Variants in TRPS1 observed in about 807,000 individuals in gnomAD.
The protein encoded by TRPS1 is transcriptional repressor GATA binding 1.
TRPS1 carries 6 observed loss-of-function variants against 101.2 expected under a neutral mutation model. The ratio of observed to expected loss-of-function variants is 0.06; its 90% CI spans 0.03 to 0.12. The LOEUF (loss-of-function observed/expected upper bound fraction) is 0.12, where lower values mean the gene tolerates loss of function less well. Ranked by LOEUF, TRPS1 falls within the 10% of genes least tolerant of loss-of-function variation. The pLI is 1.00. For synonymous variants in TRPS1, 578 were observed against 589.8 expected, an observed-to-expected ratio of 0.98 and a Z score of 0.29; for missense variants, 1,363 against 1,567.0, an observed-to-expected ratio of 0.87 and a Z score of 2.20.
At chr8:115,536,196 A>G (rs908764954) in intron 5 of TRPS1, among the ~76,000 whole-genome samples, 1 of 152,072 alleles carries the variant, frequency 6.6e-6, no homozygotes, top group African/African-American at 2.4e-5. Context: ...CTTGCAAGAA[A>G]TAGTTTTAAA....
In TRPS1 at chr8:115,498,370, CCCGTCTCTCTCTCTCTCT is replaced by C. The variant is rs1815203534; in HGVS notation, c.2701-79936_2701-79919del. On this transcript the variant is annotated intron_variant, in intron 5 of 6. Coordinates refer to ENST00000395715, the MANE Select transcript of TRPS1 (RefSeq NM_014112.5). ...TCCAGCCTGGGCAACAAAGAGAGAGCCCGTCTCTCTCTCTCTCTCTCTCTCTCTCTCTCTCTCTCTCTC... is the reference window on the plus strand; with the variant it reads ...TCCAGCCTGGGCAACAAAGAGAGAGCCTCTCTCTCTCTCTCTCTCTCTCTC... 6.1e-5 allele frequency among the ~76,000 whole-genome samples: 3 copies of C among 48,894 alleles called. 1 individual carries two copies. The highest frequency in any genetic ancestry group is 2.2e-3 in the South Asian group (2 of 930). The allele number at this position is 48,894 out of a possible 152,430, so 32.1% of individuals were successfully genotyped here. A position where few individuals can be genotyped will look rare whatever the true frequency, so the allele number is the denominator to read the frequency against.
chr8:115,482,200 T>C (rs1450519332), intron 5 of TRPS1, among the ~76,000 whole-genome samples: 2 of 152,150 alleles, frequency 1.3e-5, no homozygotes, highest in Non-Finnish European at 2.9e-5. Context: ...AACTAACCAT[T>C]CATTCAATGA....
intron 5 of TRPS1, among the ~76,000 whole-genome samples, chr8:115,485,180 C>T (rs1032915824): frequency 3.9e-5 from 6 of 152,186 alleles, no homozygotes; most frequent in Admixed American, 2.0e-4. Context: ...CATCACCTGG[C>T]CTGAAAGAAA....
chr8:115,467,264 T>TA (rs1356208788), intron 5 of TRPS1, among the ~76,000 whole-genome samples: 10 of 152,050 alleles, frequency 6.6e-5, no homozygotes, highest in Admixed American at 6.6e-4. Flanking sequence ...CTTTCCTGCT[T>TA]AAAAAAGCAG....
chr8:115,526,602 T>C (rs1275036346), intron 5 of TRPS1, among the ~76,000 whole-genome samples: 1 of 152,132 alleles, frequency 6.6e-6, no homozygotes, highest in Non-Finnish European at 1.5e-5. Flanking sequence ...CTAAGTACTG[T>C]AAATTTTAAA....
At chr8:115,598,647 GT>G (rs1275186790) in intron 4 of TRPS1, among the ~76,000 whole-genome samples, 5 of 152,126 alleles carry the variant, frequency 3.3e-5, no homozygotes, top group Admixed American at 1.3e-4. Context: ...GGCAATGTTT[GT>G]TTGGATTTGC....
intron 5 of TRPS1, among the ~76,000 whole-genome samples, chr8:115,485,086 A>AG (rs1353032827): frequency 5.3e-5 from 8 of 152,132 alleles, no homozygotes; most frequent in South Asian, 2.1e-4. Flanking sequence ...TTACAACAGG[A>AG]GGTTATCCAA....
chr8:115,487,546 T>C (rs1814914614), intron 5 of TRPS1, among the ~76,000 whole-genome samples: 1 of 152,206 alleles, frequency 6.6e-6, no homozygotes, highest in African/African-American at 2.4e-5. Context: ...CTAGATGGCA[T>C]TAAGAACATT....
At chr8:115,565,419 G>A (rs1463569726) in intron 5 of TRPS1, among the ~76,000 whole-genome samples, 2 of 151,880 alleles carry the variant, frequency 1.3e-5, no homozygotes, top group Non-Finnish European at 2.9e-5. Flanking sequence ...TTGCCGAGAA[G>A]ACATGAATTA....
intron 5 of TRPS1, among the ~76,000 whole-genome samples, chr8:115,555,604 T>C (rs1410458603): frequency 6.6e-6 from 1 of 151,904 alleles, no homozygotes; most frequent in African/African-American, 2.4e-5. Flanking sequence ...ATGACATCAG[T>C]ATGTGGTCAG....
intron 5 of TRPS1, among the ~76,000 whole-genome samples, chr8:115,419,018 G>A (rs755977612): frequency 7.9e-5 from 12 of 152,134 alleles, no homozygotes; most frequent in South Asian, 2.1e-4. Context: ...TTCCTCAAAC[G>A]TGAGAGGGTT....
chr8:115,459,940 T>C (rs1814125560), intron 5 of TRPS1, among the ~76,000 whole-genome samples: 1 of 152,168 alleles, frequency 6.6e-6, no homozygotes, highest in Non-Finnish European at 1.5e-5. Context: ...ATGATACATA[T>C]GTAATATGAA....
intron 1 of TRPS1, among the ~76,000 whole-genome samples, chr8:115,629,460 C>T (rs1043774577): frequency 2.0e-5 from 3 of 151,810 alleles, no homozygotes; most frequent in East Asian, 3.9e-4. Context: ...CATAAACATA[C>T]GTGGATATAA....
At chr8:115,547,197 T>C (rs1433592303) in intron 5 of TRPS1, among the ~76,000 whole-genome samples, 1 of 152,186 alleles carries the variant, frequency 6.6e-6, no homozygotes, top group Non-Finnish European at 1.5e-5. Context: ...TTATTACCCA[T>C]ACTTTGTTAA....
chr8:115,643,231 T>C (rs1437066140), intron 1 of TRPS1, among the ~76,000 whole-genome samples: 1 of 152,174 alleles, frequency 6.6e-6, no homozygotes, highest in Non-Finnish European at 1.5e-5. Context: ...TTTCTTAAAA[T>C]AAGGCAACAA....
intron 5 of TRPS1, among the ~76,000 whole-genome samples, chr8:115,513,111 A>C (rs1815624396): frequency 1.3e-5 from 2 of 151,788 alleles, no homozygotes; most frequent in African/African-American, 4.8e-5. Context: ...CCTTTTGGAA[A>C]TATCTGAAAT....
chr8:115,454,102 T>C (rs1324392450), intron 5 of TRPS1, among the ~76,000 whole-genome samples: 2 of 152,126 alleles, frequency 1.3e-5, no homozygotes, highest in African/African-American at 4.8e-5. Context: ...GGTCTACTTA[T>C]CTACTTTTTA....
At chr8:115,502,585 TA>T (rs749967583) in intron 5 of TRPS1, among the ~76,000 whole-genome samples, 21 of 152,122 alleles carry the variant, frequency 1.4e-4, no homozygotes, top group Non-Finnish European at 2.8e-4. Context: ...TAAGATTATC[TA>T]GAAATGATAC....
intron 5 of TRPS1, 76 bp downstream of exon 5, chr8:115,586,925 C>A: frequency 6.2e-7 from 1 of 1,601,462 alleles, no homozygotes; most frequent in Admixed American, 1.7e-5. Flanking sequence ...ACAACACAAT[C>A]CTGTAGAGAA....
Sources: gnomAD v4.1 joint callset for allele counts (sites outside exome capture counted in the v4.1 genomes callset) on GRCh38, gnomAD v4.1.1 for gene constraint, MANE v1.5 for transcripts, NCBI Gene and HGNC (gene_info 2026-07-23, HGNC 2026-07-21) for gene names.